ZNF778: variants seen among roughly 807,000 people sequenced by gnomAD.
The protein encoded by ZNF778 is zinc finger protein 778.
A neutral mutation model predicts 23.9 loss-of-function variants in ZNF778; 37 were observed. The ratio of observed to expected loss-of-function variants is 1.54; its 90% CI spans 1.19 to 2.03. ZNF778 has a LOEUF of 2.03. ZNF778 is among the 30% of genes most tolerant of loss of function. ZNF778 has a pLI of 0.00. For synonymous variants in ZNF778, 483 were observed against 343.9 expected (o/e 1.40, Z -4.48); for missense variants, 1,297 against 934.4 (o/e 1.39, Z -5.06).
At position 89,235,824 on chromosome 16, in the gene ZNF778, T is replaced by G. The variant is rs1390365864; in HGVS notation, c.*7262T>G. 1 of 151,920 alleles carries G rather than the reference T, an allele frequency of 6.6e-6. No homozygotes were observed. Among genetic ancestry groups the G allele is most frequent in the Non-Finnish European group, 1.5e-5 (1 of 68,010 alleles). 9.4% of individuals were successfully genotyped at this position (151,920 alleles called of 1,614,324 possible). ...TTGGTGTAAGATAAAAACTTAAGTT[T>G]GAAGAGGTTCCATGAGCCCCAGACA... On this transcript the variant is annotated 3_prime_UTR_variant, in exon 7 of 7. Coordinates refer to ENST00000433976, the MANE Select transcript of ZNF778 (RefSeq NM_001201407.2).
rs942425787 is a variant in ZNF778 at position 89,234,605 on chromosome 16, T to G, written c.*6043T>G. 1 of 159,970 alleles carries G rather than the reference T, an allele frequency of 6.3e-6. No individual in the cohort carries two copies. The highest frequency in any genetic ancestry group is 2.4e-5 in the African/African-American group (1 of 41,478). 9.9% of individuals were successfully genotyped at this position (159,970 alleles called of 1,614,324 possible). A position where few individuals can be genotyped will look rare whatever the true frequency, so the allele number is the denominator to read the frequency against. ...TGGTTTCCACTTCACCTGTTTCCAC[T>G]TTTGTGATGATGCCTTAAGGAAAAA... is the stretch of plus-strand genomic sequence containing the variant. On this transcript the variant is annotated 3_prime_UTR_variant, in exon 7 of 7. Transcript: ENST00000433976.
intron 2 of ZNF778, among the ~76,000 whole-genome samples, chr16:89,221,427 G>C (rs58871415): frequency 0.011 from 1,748 of 152,296 alleles, 40 homozygotes; most frequent in African/African-American, 0.039. Flanking sequence ...ATAGGAGCCT[G>C]TTACCATTTC....
intron 1 of ZNF778, among the ~76,000 whole-genome samples, chr16:89,219,925 A>G (rs2030755627): frequency 6.6e-6 from 1 of 152,242 alleles, no homozygotes; most frequent in South Asian, 2.1e-4. Flanking sequence ...CAGACTGCTG[A>G]ACTCGTAGAA....
intron 4 of ZNF778, among the ~76,000 whole-genome samples, chr16:89,223,580 C>T (rs1847328453): frequency 1.3e-5 from 2 of 152,150 alleles, no homozygotes; most frequent in Non-Finnish European, 2.9e-5. Context: ...CCCGACGATG[C>T]CAATTCACTC....
chr16:89,220,907 T>G, intron 1 of ZNF778, 90 bp from the exon 2 acceptor site: 2 of 559,084 alleles, frequency 3.6e-6, no homozygotes, highest in Non-Finnish European at 6.5e-6. Flanking sequence ...AAAGTGGATA[T>G]AGTGGCTTTC....
chr16:89,229,463 G>T lies in ZNF778; in HGVS notation c.*901G>T. The stretch of plus-strand genomic sequence containing the variant: ...GTCTTGAGGATGCAGATGTGATTCT[G>T]TGTGAGCAGCGTAGGCTCTGGTTGG... On this transcript the variant is annotated 3_prime_UTR_variant, in exon 7 of 7. Coordinates refer to ENST00000433976, the MANE Select transcript of ZNF778 (RefSeq NM_001201407.2). 2.0e-6 allele frequency: 2 copies of T among 976,602 alleles called. 1 individual carries two copies. Among genetic ancestry groups the T allele is most frequent in the Non-Finnish European group, 2.4e-6 (2 of 826,818 alleles). 60.5% of individuals were successfully genotyped at this position (976,602 alleles called of 1,614,324 possible). A position where few individuals can be genotyped will look rare whatever the true frequency, so the allele number is the denominator to read the frequency against.
At chr16:89,218,737 G>A (rs953247426) in intron 1 of ZNF778, among the ~76,000 whole-genome samples, 1 of 152,188 alleles carries the variant, frequency 6.6e-6, no homozygotes, top group Non-Finnish European at 1.5e-5. Flanking sequence ...CTTGCAGTGA[G>A]CCGAGATGGC....
chr16:89,224,888 A>T, intron 5 of ZNF778, 86 bp downstream of exon 5: 1 of 1,009,952 alleles, frequency 9.9e-7, no homozygotes, highest in Non-Finnish European at 1.5e-6. Flanking sequence ...CTATGGAAGG[A>T]TTGTGTCAAG....
intron 3 of ZNF778, 84 bp downstream of exon 3, chr16:89,222,267 C>A (rs1026566455): frequency 3.8e-6 from 4 of 1,060,506 alleles, no homozygotes; most frequent in Admixed American, 2.5e-5. Flanking sequence ...GACTTGTCTG[C>A]ACAGCCTCAC....
At chr16:89,218,164 C>G (rs922531602) in intron 1 of ZNF778, 1 of 152,204 alleles carries the variant, frequency 6.6e-6, no homozygotes, top group South Asian at 2.1e-4. Flanking sequence ...GCCGTTGTCC[C>G]GCTGGTCTTG....
intron 1 of ZNF778, among the ~76,000 whole-genome samples, chr16:89,218,505 A>C (rs560423909): frequency 1.3e-4 from 20 of 152,240 alleles, no homozygotes; most frequent in African/African-American, 4.8e-4. Flanking sequence ...AGAAAATTAA[A>C]ATTAGGCCGG....
chr16:89,218,837 G>T (rs1457608731), intron 1 of ZNF778, among the ~76,000 whole-genome samples: 1 of 151,442 alleles, frequency 6.6e-6, no homozygotes, highest in Non-Finnish European at 1.5e-5. Flanking sequence ...GCTGGGCACA[G>T]TGGCTCACGC....
intron 3 of ZNF778, 35 bp from the exon 4 acceptor site, chr16:89,223,122 T>G (rs1462744386): frequency 6.2e-7 from 1 of 1,604,116 alleles, no homozygotes; most frequent in South Asian, 1.1e-5. Context: ...GATGGACACG[T>G]TGGAAGGCTC....
chr16:89,228,037 C>A lies in ZNF778; in HGVS notation c.1749C>A (p.His583Gln), dbSNP rs1446505055. The change falls in exon 7 of 7, where the codon CAC becomes CAA. Residue 583 changes from histidine (H) to glutamine (Q), a missense_variant. Coordinates refer to ENST00000433976, the MANE Select transcript of ZNF778 (RefSeq NM_001201407.2). ...SSCLNKHIQI[H>Q]TGIKPYECKD... ...GCCTGAATAAGCACATTCAGATTCACACTGGAATAAAACCTTATGAATGTA... is the reference window on the plus strand; with the variant it reads ...GCCTGAATAAGCACATTCAGATTCAAACTGGAATAAAACCTTATGAATGTA... 1 of 1,589,324 alleles carries A rather than the reference C, an allele frequency of 6.3e-7. No individual in the cohort carries two copies. Among genetic ancestry groups the A allele is most frequent in the East Asian group, 2.3e-5 (1 of 43,508 alleles).
In ZNF778 at chr16:89,229,039, T is replaced by C. The variant is rs140853532; in HGVS notation, c.*477T>C. 1,387 of 991,522 alleles carry C rather than the reference T, an allele frequency of 1.4e-3. 5 individuals carry two copies. In the Middle Eastern group the frequency reaches 0.015, roughly 10 times the overall value. The allele number at this position is 991,522 out of a possible 1,614,324, so 61.4% of individuals were successfully genotyped here. A position where few individuals can be genotyped will look rare whatever the true frequency, so the allele number is the denominator to read the frequency against. ...TGTGGGCTAACTTGAGACATGTCTT[T>C]CTGGGGGTTCTGTAGACGTATTTTG... On this transcript the variant is annotated 3_prime_UTR_variant, in exon 7 of 7. Coordinates refer to ENST00000433976, the MANE Select transcript of ZNF778 (RefSeq NM_001201407.2).
chr16:89,231,415 TG>T lies in ZNF778; in HGVS notation c.*2854del, dbSNP rs1391513397. The T allele has an allele frequency of 1.3e-5, 2 of 152,244 alleles. No individual in the cohort carries two copies. The highest frequency in any genetic ancestry group is 4.8e-5 in the African/African-American group (2 of 41,430). The allele number at this position is 152,244 out of a possible 1,614,324, so 9.4% of individuals were successfully genotyped here. On this transcript the variant is annotated 3_prime_UTR_variant, in exon 7 of 7. Coordinates refer to ENST00000433976, the MANE Select transcript of ZNF778 (RefSeq NM_001201407.2). Reference sequence around the variant, plus strand: ...GCGGTAGCCCAGACACCACCCTGCCTGATATGCCCACTGTTGGTGGAGACAT... The same window carrying T: ...GCGGTAGCCCAGACACCACCCTGCCTATATGCCCACTGTTGGTGGAGACAT...
At chr16:89,222,256 A>G in intron 3 of ZNF778, 73 bp downstream of exon 3, 1 of 1,237,722 alleles carries the variant, frequency 8.1e-7, no homozygotes, top group Non-Finnish European at 1.1e-6. Flanking sequence ...CTGTCTGAGC[A>G]GACTTGTCTG....
At position 89,232,699 on chromosome 16, in the gene ZNF778, G is replaced by A; in HGVS notation, c.*4137G>A. The stretch of plus-strand genomic sequence containing the variant: ...TCCTGGGGTCTTGCTGTGGGGGCTA[G>A]ACCGTCCCTCTCAGGCTAGATCATT... On this transcript the variant is annotated 3_prime_UTR_variant, in exon 7 of 7. Transcript: ENST00000433976. The A allele has an allele frequency of 4.7e-6, 6 of 1,263,648 alleles. No individual in the cohort carries two copies. The Admixed American group carries it at 7.0e-5, about 15-fold the overall frequency. The allele number at this position is 1,263,648 out of a possible 1,614,324, so 78.3% of individuals were successfully genotyped here.
In ZNF778 at chr16:89,217,803, GGCGCCCGCCCGCCTGCCTCGCGCCTT is replaced by G. The variant is rs1333098002; in HGVS notation, c.-232_-207del. On this transcript the variant is annotated 5_prime_UTR_variant, in exon 1 of 7. Transcript: ENST00000433976. The stretch of plus-strand genomic sequence containing the variant: ...CCGCGGGGAAGCTGGTCCGGGAGTG[GGCGCCCGCCCGCCTGCCTCGCGCCTT>G]GCGCCCCCGGCACCGCTTCCAGAAG... 6.6e-6 allele frequency: 1 copy of G among 152,228 alleles called. No homozygotes were observed. Among genetic ancestry groups the G allele is most frequent in the Non-Finnish European group, 1.5e-5 (1 of 68,042 alleles). 9.4% of individuals were successfully genotyped at this position (152,228 alleles called of 1,614,324 possible). A position where few individuals can be genotyped will look rare whatever the true frequency, so the allele number is the denominator to read the frequency against.
Sources: gnomAD v4.1 joint callset for allele counts (sites outside exome capture counted in the v4.1 genomes callset) on GRCh38, gnomAD v4.1.1 for gene constraint, MANE v1.5 for transcripts, NCBI Gene and HGNC (gene_info 2026-07-23, HGNC 2026-07-21) for gene names.